The following PLAGL1 variants were observed in gnomAD, a reference collection of about 807,000 sequenced individuals.
The protein encoded by PLAGL1 is PLAG1 like zinc finger 1, also known as zinc finger protein PLAGL1.
Under a neutral mutation model 4.6 loss-of-function variants are expected in PLAGL1, and 1 was observed. The observed-to-expected ratio is 0.22, with a 90% CI of 0.08 to 1.03. PLAGL1 has a LOEUF of 1.03. Ranked by LOEUF, PLAGL1 falls within the 50% of genes least tolerant of loss-of-function variation. The pLI is 0.58. For synonymous variants in PLAGL1, 240 were observed against 237.8 expected, an observed-to-expected ratio of 1.01 and a Z score of -0.08; for missense variants, 464 against 570.4, an observed-to-expected ratio of 0.81 and a Z score of 1.90.
At chr6:144,023,768 CTTTTTTTTT>C (rs34002736) in intron 1 of PLAGL1, among the ~76,000 whole-genome samples, 1 of 72,638 alleles carries the variant, frequency 1.4e-5, no homozygotes, top group Non-Finnish European at 2.6e-5. Context: ...TCATATTTAG[CTTTTTTTTT>C]TTTTTTTTTT....
chr6:143,956,116 C>T (rs1393829845), intron 6 of PLAGL1, among the ~76,000 whole-genome samples: 3 of 152,182 alleles, frequency 2.0e-5, no homozygotes, highest in Non-Finnish European at 4.4e-5. Context: ...CTTATACAGG[C>T]GATTTTATAA....
chr6:144,027,085 G>A lies in PLAGL1; in HGVS notation c.-151+37383C>T, dbSNP rs775433779. ...ACAAAATTAAAAAAATTAGTCAGCC[G>A]CGGTGGCATGCATCTGTGATCCCAG... On this transcript the variant is annotated intron_variant, in intron 1 of 3. Transcript: ENST00000437412. This position sits in a 1 kb window ranked among gnomAD's most constrained non-coding sequence, Gnocchi z 5.8. 1.4e-4 allele frequency among the ~76,000 whole-genome samples: 21 copies of A among 151,814 alleles called. No homozygotes were observed. Among genetic ancestry groups the A allele is most frequent in the Non-Finnish European group, 2.5e-4 (17 of 67,968 alleles).
At chr6:144,042,425 T>C (rs1797815257) in intron 1 of PLAGL1, among the ~76,000 whole-genome samples, 1 of 152,242 alleles carries the variant, frequency 6.6e-6, no homozygotes, top group South Asian at 2.1e-4. Flanking sequence ...ATTTATTAAA[T>C]AGGGAATCCT....
chr6:143,967,587 A>G (rs1313120522), intron 3 of PLAGL1: 2 of 152,188 alleles, frequency 1.3e-5, no homozygotes, highest in African/African-American at 4.8e-5. Flanking sequence ...TGGCAATATC[A>G]TGTTTAACTA....
In PLAGL1 at chr6:143,978,848, T is replaced by G. The variant is rs993461950; in HGVS notation, c.-544+6287A>C. On this transcript the variant is annotated intron_variant, in intron 2 of 7. Transcript: ENST00000674357. This position sits in a 1 kb window ranked among gnomAD's most constrained non-coding sequence, Gnocchi z 4.6. Reference sequence around the variant, plus strand: ...GTGGTTGATAGCACTGTTCAAGTCTTCTATAGCCTTCTTGGTTTTCCAACT... The same window carrying G: ...GTGGTTGATAGCACTGTTCAAGTCTGCTATAGCCTTCTTGGTTTTCCAACT... Among the ~76,000 whole-genome samples the G allele has an allele frequency of 6.6e-6, 1 of 152,186 alleles. No individual in the cohort carries two copies. The highest frequency in any genetic ancestry group is 1.5e-5 in the Non-Finnish European group (1 of 67,998).
intron 7 of PLAGL1, among the ~76,000 whole-genome samples, chr6:143,943,072 C>T (rs979361823): frequency 8.8e-6 from 1 of 113,082 alleles, no homozygotes; most frequent in Non-Finnish European, 1.8e-5. Context: ...TCACTATACC[C>T]ACGCTGGTCT....
Position 143,948,078 on chromosome 6 carries a change from G to C in PLAGL1, c.59C>G (p.Thr20Arg). Reference protein sequence around the residue: ...GKTFLTLEKFTIHNYSHSRER... With the variant: ...GKTFLTLEKFRIHNYSHSRER... Reference sequence around the variant, plus strand: ...CCTGGAGTGGGAATAATTGTGAATCGTGAACTTCTCCAGGGTGAGGAACGT... The same window carrying C: ...CCTGGAGTGGGAATAATTGTGAATCCTGAACTTCTCCAGGGTGAGGAACGT... The change falls in exon 7 of 8, where the codon ACG (threonine) becomes AGG (arginine). Residue 20 changes from threonine (T) to arginine (R), a missense_variant. Transcript: ENST00000674357. The surrounding 1 kb of genome is among the most constrained non-coding windows in gnomAD (Gnocchi z 6.0). 6.2e-7 allele frequency: 1 copy of C among 1,613,792 alleles called. No homozygotes were observed. The highest frequency in any genetic ancestry group is 8.5e-7 in the Non-Finnish European group (1 of 1,179,660).
rs992986020 is a variant in PLAGL1, at chr6:144,061,961, C to G, written c.-151+2507G>C. Among the ~76,000 whole-genome samples the G allele has an allele frequency of 6.6e-6, 1 of 152,134 alleles. No individual in the cohort carries two copies. Among genetic ancestry groups the G allele is most frequent in the Admixed American group, 6.5e-5 (1 of 15,272 alleles). On this transcript the variant is annotated intron_variant, in intron 1 of 3. Transcript: ENST00000437412. This position sits in a 1 kb window ranked among gnomAD's most constrained non-coding sequence, Gnocchi z 4.4. ...ATTATATTTACTATGAATGTAGGAC[C>G]CATTTTGAGCTTTTTCTTTTTTGTT...
At position 144,016,404 on chromosome 6, in the gene PLAGL1, C is replaced by G. The variant is rs78208443; in HGVS notation, c.-150-47426G>C. 0.083 allele frequency among the ~76,000 whole-genome samples: 12,679 copies of G among 152,182 alleles called. 1,764 individuals carry two copies. The highest frequency in any genetic ancestry group is 0.29 in the African/African-American group (11,923 of 41,468). ...CAGATTAAGGGTGGATCTGCCTTCC[C>G]CAGACCACTGACTCAAATATTAATC... On this transcript the variant is annotated intron_variant, in intron 1 of 3. Coordinates refer to the PLAGL1 transcript ENST00000437412. The surrounding 1 kb of genome is among the most constrained non-coding windows in gnomAD (Gnocchi z 4.2).
In PLAGL1 at chr6:143,959,925, C is replaced by CCA. The variant is rs1338484787; in HGVS notation, c.-325+542_-325+543dup. 6.6e-6 allele frequency among the ~76,000 whole-genome samples: 1 copy of CCA among 152,234 alleles called. No homozygotes were observed. Among genetic ancestry groups the CCA allele is most frequent in the Non-Finnish European group, 1.5e-5 (1 of 68,040 alleles). On this transcript the variant is annotated intron_variant, in intron 6 of 7. Transcript: ENST00000674357. This position sits in a 1 kb window ranked among gnomAD's most constrained non-coding sequence, Gnocchi z 5.3. The stretch of plus-strand genomic sequence containing the variant: ...ACCTACGCTTTGCCATCCCTTCTAG[C>CCA]CACACTGTCTACATGAGCAGTGAAG...
rs1465117441 is a variant in PLAGL1, at chr6:143,947,750, G to A, written c.152+235C>T. Among the ~76,000 whole-genome samples the A allele has an allele frequency of 6.6e-6, 1 of 152,136 alleles. No individual in the cohort carries two copies. The highest frequency in any genetic ancestry group is 1.5e-5 in the Non-Finnish European group (1 of 68,032). ...CCTATTTCTCCAGCCATGGGGAGAG[G>A]CCTGGTATATTGTAGGTGCATAAAA... On this transcript the variant is annotated intron_variant, in intron 7 of 7. Transcript: ENST00000674357. The surrounding 1 kb of genome is among the most constrained non-coding windows in gnomAD (Gnocchi z 4.3).
chr6:144,047,307 C>T (rs566048784), intron 1 of PLAGL1, among the ~76,000 whole-genome samples: 122 of 152,316 alleles, frequency 8.0e-4, no homozygotes, highest in Non-Finnish European at 1.5e-3. Context: ...CAGACTACAG[C>T]TGTTCCTATT....
Position 143,994,396 on chromosome 6 carries a change from C to T in PLAGL1, c.-583-9222G>A, listed in dbSNP as rs1355168608. 6.6e-6 allele frequency among the ~76,000 whole-genome samples: 1 copy of T among 152,260 alleles called. No individual in the cohort carries two copies. Among genetic ancestry groups the T allele is most frequent in the East Asian group, 1.9e-4 (1 of 5,188 alleles). ...ACATCTTTCCTCCGCTGTTTAAAAG[C>T]AATTTTCTAGATTGCAGTTTTAAAC... On this transcript the variant is annotated intron_variant, in intron 1 of 7. Coordinates refer to ENST00000674357, the MANE Select transcript of PLAGL1 (RefSeq NM_001317162.2). The surrounding 1 kb of genome is among the most constrained non-coding windows in gnomAD (Gnocchi z 4.3).
rs1239089494 is a variant in PLAGL1, at chr6:143,970,572, G to A, written c.-543-1594C>T. Among the ~76,000 whole-genome samples, 1 of 152,082 alleles carries A rather than the reference G, an allele frequency of 6.6e-6. No homozygotes were observed. The highest frequency in any genetic ancestry group is 6.5e-5 in the Admixed American group (1 of 15,272). The stretch of plus-strand genomic sequence containing the variant: ...TCTTGTTTTCAACGGCTAGATAAAC[G>A]TTTATTAGGGCTGCTTTATTTGGTC... On this transcript the variant is annotated intron_variant, in intron 2 of 7. Transcript: ENST00000674357. This position sits in a 1 kb window ranked among gnomAD's most constrained non-coding sequence, Gnocchi z 5.8.
In PLAGL1 at chr6:143,972,280, C is replaced by A. The variant is rs1785561797; in HGVS notation, c.-543-3302G>T. 6.6e-6 allele frequency among the ~76,000 whole-genome samples: 1 copy of A among 152,140 alleles called. No individual in the cohort carries two copies. The highest frequency in any genetic ancestry group is 1.5e-5 in the Non-Finnish European group (1 of 68,032). On this transcript the variant is annotated intron_variant, in intron 2 of 7. Transcript: ENST00000674357. The surrounding 1 kb of genome is among the most constrained non-coding windows in gnomAD (Gnocchi z 6.8). ...CTTTACTTCCAGCTAAAAGAATACA[C>A]CTAAATAAAGAGCTACAGGGCCATG...
intron 7 of PLAGL1, among the ~76,000 whole-genome samples, chr6:143,946,316 T>C (rs921450878): frequency 6.6e-6 from 1 of 152,252 alleles, no homozygotes; most frequent in Non-Finnish European, 1.5e-5. Flanking sequence ...ATCTCTTCTA[T>C]GTGTCTCAGT....
chr6:144,058,958 C>T (rs1799189053), intron 1 of PLAGL1, among the ~76,000 whole-genome samples: 1 of 152,136 alleles, frequency 6.6e-6, no homozygotes, highest in African/African-American at 2.4e-5. Context: ...AGGGTGGTGG[C>T]CCCCTTCCCA....
At chr6:144,046,888 C>A (rs1477179704) in intron 1 of PLAGL1, among the ~76,000 whole-genome samples, 1 of 152,220 alleles carries the variant, frequency 6.6e-6, no homozygotes, top group Non-Finnish European at 1.5e-5. Flanking sequence ...CTTACCTACT[C>A]AAGCCTCAGC....
chr6:143,984,426 C>T lies in PLAGL1; in HGVS notation c.-544+709G>A, dbSNP rs573827854. Among the ~76,000 whole-genome samples, 2 of 152,048 alleles carry T rather than the reference C, an allele frequency of 1.3e-5. No homozygotes were observed. Among genetic ancestry groups the T allele is most frequent in the East Asian group, 3.9e-4 (2 of 5,172 alleles). On this transcript the variant is annotated intron_variant, in intron 2 of 7. Transcript: ENST00000674357. This position sits in a 1 kb window ranked among gnomAD's most constrained non-coding sequence, Gnocchi z 5.5. ...ATTTGATTTTAACTCAGCTTTTTTC[C>T]CAAATTTAAATGACCATATGCTCAT...
Sources: gnomAD v4.1 joint callset for allele counts (sites outside exome capture counted in the v4.1 genomes callset) on GRCh38, gnomAD v4.1.1 for gene constraint, Gnocchi (gnomAD v3.1) non-coding constraint, MANE v1.5 for transcripts, NCBI Gene and HGNC (gene_info 2026-07-23, HGNC 2026-07-21) for gene names.